RASIP1: variants seen among roughly 807,000 people sequenced by gnomAD.
RASIP1 encodes Ras interacting protein 1.
In RASIP1, 20 loss-of-function variants were observed where a neutral mutation model predicts 85.3. The ratio of observed to expected loss-of-function variants is 0.23; its 90% CI spans 0.17 to 0.34. The LOEUF (loss-of-function observed/expected upper bound fraction) is 0.34, where lower values mean the gene tolerates loss of function less well. RASIP1 is among the 10% of genes least tolerant of loss of function. RASIP1 has a pLI of 1.00. For missense variants in RASIP1, 1,170 were observed against 1,390.9 expected (o/e 0.84, Z 2.53); for synonymous variants, 617 against 647.1 (o/e 0.95, Z 0.71).
chr19:48,728,642 C>G (rs979482933), intron 5 of RASIP1, among the ~76,000 whole-genome samples: 1 of 152,128 alleles, frequency 6.6e-6, no homozygotes, highest in Admixed American at 6.5e-5. Flanking sequence ...CAGGCGCCTG[C>G]AATCCCAGCT....
At chr19:48,737,046 GACA>G (rs774271229) in intron 3 of RASIP1, among the ~76,000 whole-genome samples, 9 of 151,918 alleles carry the variant, frequency 5.9e-5, no homozygotes, top group Non-Finnish European at 1.2e-4. Flanking sequence ...GAACAACAAC[GACA>G]ACAACAACAA....
rs774923735 is a variant in RASIP1 at position 48,727,100 on chromosome 19, G to T, written c.1930C>A (p.Arg644=). 7 of 1,614,082 alleles carry T rather than the reference G, an allele frequency of 4.3e-6. No individual in the cohort carries two copies. Among genetic ancestry groups the T allele is most frequent in the Non-Finnish European group, 5.9e-6 (7 of 1,180,048 alleles). The change falls in exon 7 of 12, where the codon CGG becomes AGG. Residue 644 remains arginine, a synonymous_variant. Transcript: ENST00000222145. ...LTPEAVSVEL[R]PLMLWMANTT... is the part of the protein sequence containing the mutation. ...TTGGCCATCCACAGCATGAGTGGCCGCAGCTCCACAGACACAGCTTCAGGA... is the reference window on the plus strand; with the variant it reads ...TTGGCCATCCACAGCATGAGTGGCCTCAGCTCCACAGACACAGCTTCAGGA...
At position 48,722,300 on chromosome 19, in the gene RASIP1, A is replaced by ATTT. The variant is rs71179038; in HGVS notation, c.2545-302_2545-300dup. Among the ~76,000 whole-genome samples the ATTT allele has an allele frequency of 2.7e-3, 268 of 98,310 alleles. 8 individuals carry two copies. The highest frequency in any genetic ancestry group is 9.1e-3 in the African/African-American group (222 of 24,306). The allele number at this position is 98,310 out of a possible 152,430, so 64.5% of individuals were successfully genotyped here. ...TTGAATCTGGCGATGGTACTTGGGG[A>ATTT]TTTTTTTTTTTTTTTTTTTTTTTTG... On this transcript the variant is annotated intron_variant, in intron 10 of 11. Coordinates refer to ENST00000222145, the MANE Select transcript of RASIP1 (RefSeq NM_017805.3).
Position 48,729,270 on chromosome 19 carries a change from C to A in RASIP1, c.1500G>T (p.Pro500=). 1 of 1,510,246 alleles carries A rather than the reference C, an allele frequency of 6.6e-7. No individual in the cohort carries two copies. The highest frequency in any genetic ancestry group is 2.4e-5 in the Admixed American group (1 of 42,494). 93.6% of individuals were successfully genotyped at this position (1,510,246 alleles called of 1,614,324 possible). The change falls in exon 5 of 12, where the codon CCG becomes CCT. Residue 500 remains proline (P), a synonymous_variant. Coordinates refer to ENST00000222145, the MANE Select transcript of RASIP1 (RefSeq NM_017805.3). ...CCCCGGGGCGCGCGGGCAGCCACGG[C>A]GGCCTCGCAGGCCCCGAGCCCCCAG... is the stretch of plus-strand genomic sequence containing the variant. ...PRTGGSGPAR[P]PWLPARPGAT... is the part of the protein sequence containing the mutation.
Position 48,724,579 on chromosome 19 carries a change from C to G in RASIP1, c.2372-70G>C, listed in dbSNP as rs79562636. 2.2e-3 allele frequency: 3,449 copies of G among 1,577,868 alleles called. 87 individuals carry two copies. In the African/African-American group the frequency reaches 0.043, roughly 19 times the overall value. ...TGTGCTCCTGCCTCCCAGACTCTTC[C>G]TATCCTTCAGCCTGGGATCTGGAGC... On this transcript the variant is annotated intron_variant, in intron 9 of 11. Transcript: ENST00000222145. This position sits in a 1 kb window ranked among gnomAD's most constrained non-coding sequence, Gnocchi z 4.6.
At chr19:48,725,433 C>T (rs1460038490) in intron 8 of RASIP1, 1 of 159,872 alleles carries the variant, frequency 6.3e-6, no homozygotes. Flanking sequence ...GAGGAAAGGG[C>T]TTCACAATCC....
In RASIP1 at chr19:48,739,544, C is replaced by A. The variant is rs1346568035; in HGVS notation, c.239G>T (p.Gly80Val). The part of the protein sequence containing the change: ...RRVGAVKAAG[G>V]ASGSRAKRIS... ...GCGCTTGGCGCGGCTACCGGAGGCTCCCCCGGCCGCCTTGACAGCGCCCAC... is the reference window on the plus strand; with the variant it reads ...GCGCTTGGCGCGGCTACCGGAGGCTACCCCGGCCGCCTTGACAGCGCCCAC... The change falls in exon 3 of 12, where the codon GGA (glycine) becomes GTA (valine). Residue 80 changes from glycine to valine, a missense_variant. Coordinates refer to ENST00000222145, the MANE Select transcript of RASIP1 (RefSeq NM_017805.3). The surrounding 1 kb of genome is among the most constrained non-coding windows in gnomAD (Gnocchi z 9.2). 1 of 1,513,860 alleles carries A rather than the reference C, an allele frequency of 6.6e-7. No homozygotes were observed. 93.8% of individuals were successfully genotyped at this position (1,513,860 alleles called of 1,614,324 possible). A position where few individuals can be genotyped will look rare whatever the true frequency, so the allele number is the denominator to read the frequency against.
chr19:48,740,016 C>G lies in RASIP1; in HGVS notation c.137+130G>C. The G allele has an allele frequency of 2.4e-6, 3 of 1,271,890 alleles. No individual in the cohort carries two copies. The East Asian group carries it at 8.2e-5, about 35-fold the overall frequency. 78.8% of individuals were successfully genotyped at this position (1,271,890 alleles called of 1,614,324 possible). The stretch of plus-strand genomic sequence containing the variant: ...TATCACTGTGCCCCACCGTCTCCCC[C>G]TGCCCACCAGCTCGTTTGCCCAATT... On this transcript the variant is annotated intron_variant, in intron 2 of 11. Coordinates refer to ENST00000222145, the MANE Select transcript of RASIP1 (RefSeq NM_017805.3). The surrounding 1 kb of genome is among the most constrained non-coding windows in gnomAD (Gnocchi z 5.5).
intron 5 of RASIP1, among the ~76,000 whole-genome samples, chr19:48,727,729 C>T (rs2033367977): frequency 6.7e-6 from 1 of 150,230 alleles, no homozygotes; most frequent in Admixed American, 6.7e-5. Flanking sequence ...TGTTGTTGCC[C>T]AGGCTGGGGT....
chr19:48,727,691 T>G (rs929693301), intron 5 of RASIP1, among the ~76,000 whole-genome samples: 3 of 150,134 alleles, frequency 2.0e-5, no homozygotes, highest in African/African-American at 7.4e-5. Context: ...TCTTTTTTTT[T>G]TTTTTTTTTT....
Position 48,740,198 on chromosome 19 carries a change from TG to T in RASIP1, c.84del (p.Arg29GlyfsTer152). ...CGCCCCAGCTTCGCCAGCTGCTTCC[TG>T]GGGGAATTGATCCACAGGCCCACGG... ...HLPVGLWINS[P>X]RKQLAKLGRR... On this transcript the variant is annotated frameshift_variant, in exon 2 of 12. Coordinates refer to ENST00000222145, the MANE Select transcript of RASIP1 (RefSeq NM_017805.3). LOFTEE classifies it high-confidence loss of function. The surrounding 1 kb of genome is among the most constrained non-coding windows in gnomAD (Gnocchi z 5.5). 1 of 1,591,174 alleles carries T rather than the reference TG, an allele frequency of 6.3e-7. No individual in the cohort carries two copies. The highest frequency in any genetic ancestry group is 2.3e-5 in the East Asian group (1 of 43,700).
chr19:48,728,772 G>GCAAACAAA (rs147766034), intron 5 of RASIP1, among the ~76,000 whole-genome samples, 165 bp downstream of exon 5: 43 of 151,260 alleles, frequency 2.8e-4, no homozygotes, highest in African/African-American at 7.8e-4. Flanking sequence ...AAAAACAAAA[G>GCAAACAAA]CAAACAAACA....
chr19:48,739,462 T>C lies in RASIP1; in HGVS notation c.321A>G (p.Gly107=). 4 of 1,476,836 alleles carry C rather than the reference T, an allele frequency of 2.7e-6. No homozygotes were observed. The highest frequency in any genetic ancestry group is 2.7e-6 in the Non-Finnish European group (3 of 1,119,914). The allele number at this position is 1,476,836 out of a possible 1,614,324, so 91.5% of individuals were successfully genotyped here. The stretch of plus-strand genomic sequence containing the variant: ...GCGCGCCCCCCGGGGTCCCAGGGCC[T>C]CCTGCGCCGCTGGACCCCGTGGTCC... ...GTGTTGSSGA[G]GPGTPGGAQR... is the part of the protein sequence containing the mutation. The change falls in exon 3 of 12, where the codon GGA becomes GGG. Residue 107 remains glycine (G), a synonymous_variant. Coordinates refer to ENST00000222145, the MANE Select transcript of RASIP1 (RefSeq NM_017805.3). The surrounding 1 kb of genome is among the most constrained non-coding windows in gnomAD (Gnocchi z 9.2).
chr19:48,724,807 A>G lies in RASIP1; in HGVS notation c.2281T>C (p.Cys761Arg). The stretch of plus-strand genomic sequence containing the variant: ...GACACGAGGTCAGGGTGCAGCTCGC[A>G]CTGGCTGGTCAGCTCCAAGGCTGCC... ...FQAALELTSQCELHPDLVSQT... is the reference protein window; with the variant it reads ...FQAALELTSQRELHPDLVSQT... The change falls in exon 9 of 12, where the codon TGC becomes CGC. Residue 761 changes from cysteine to arginine, a missense_variant. By Grantham distance (180) the Cys-to-Arg change is radical. Transcript: ENST00000222145. This position sits in a 1 kb window ranked among gnomAD's most constrained non-coding sequence, Gnocchi z 4.6. The G allele has an allele frequency of 6.2e-7, 1 of 1,614,230 alleles. No individual in the cohort carries two copies. The highest frequency in any genetic ancestry group is 1.6e-4 in the Middle Eastern group (1 of 6,062).
rs1363872406 is a variant in RASIP1, at chr19:48,721,008, G to A, written c.2693-11C>T. The stretch of plus-strand genomic sequence containing the variant: ...TTTCGAAGATGTCCCCTGTGAGGCC[G>A]AAGGCGGCGCGGTTAGAGTCTGAAA... On this transcript the variant is annotated splice_polypyrimidine_tract_variant and intron_variant, in intron 11 of 11. Coordinates refer to ENST00000222145, the MANE Select transcript of RASIP1 (RefSeq NM_017805.3). The A allele has an allele frequency of 4.4e-6, 7 of 1,579,852 alleles. 1 individual carries two copies. In the South Asian group the frequency reaches 4.5e-5, roughly 10 times the overall value.
chr19:48,734,565 G>A (rs34050136), intron 4 of RASIP1, among the ~76,000 whole-genome samples: 8,207 of 148,404 alleles, frequency 0.055, 298 homozygotes, highest in Non-Finnish European at 0.082. Context: ...TTGGCTCACC[G>A]CAACCTCTGC....
chr19:48,724,148 A>G lies in RASIP1; in HGVS notation c.2544+189T>C, dbSNP rs1305269673. 6.6e-6 allele frequency among the ~76,000 whole-genome samples: 1 copy of G among 152,144 alleles called. No homozygotes were observed. Among genetic ancestry groups the G allele is most frequent in the Non-Finnish European group, 1.5e-5 (1 of 68,032 alleles). On this transcript the variant is annotated intron_variant, in intron 10 of 11. Coordinates refer to ENST00000222145, the MANE Select transcript of RASIP1 (RefSeq NM_017805.3). The surrounding 1 kb of genome is among the most constrained non-coding windows in gnomAD (Gnocchi z 4.6). ...ATAAGTTCCACCAGGATTCAGACAC[A>G]GCCGAGTTTAGTCATTGTTGGTGCT...
chr19:48,733,216 A>C (rs1293138679), intron 4 of RASIP1, among the ~76,000 whole-genome samples: 1 of 152,108 alleles, frequency 6.6e-6, no homozygotes, highest in Non-Finnish European at 1.5e-5. Context: ...TTGTAGAGAC[A>C]AGATTTCACT....
Position 48,738,945 on chromosome 19 carries a change from C to A in RASIP1, c.823+15G>T. On this transcript the variant is annotated intron_variant, in intron 3 of 11. Coordinates refer to ENST00000222145, the MANE Select transcript of RASIP1 (RefSeq NM_017805.3). This position sits in a 1 kb window ranked among gnomAD's most constrained non-coding sequence, Gnocchi z 4.0. ...GGCACCGAGTCCCCGCCCCAGAGCC[C>A]CGCCCGCCGCTCACCTTCGCTGTCC... 1 of 1,212,022 alleles carries A rather than the reference C, an allele frequency of 8.3e-7. No homozygotes were observed. The highest frequency in any genetic ancestry group is 4.0e-5 in the South Asian group (1 of 25,240). 75.1% of individuals were successfully genotyped at this position (1,212,022 alleles called of 1,614,324 possible).
Sources: allele counts gnomAD v4.1 joint callset (sites outside exome capture counted in the v4.1 genomes callset), GRCh38; gene constraint gnomAD v4.1.1; non-coding constraint Gnocchi (gnomAD v3.1); transcripts MANE v1.5; gene names NCBI Gene and HGNC (gene_info 2026-07-23, HGNC 2026-07-21).